Variants in RBPJ observed in about 807,000 individuals in gnomAD.
The protein encoded by RBPJ is recombining binding protein suppressor of hairless.
A neutral mutation model predicts 67.8 loss-of-function variants in RBPJ; 9 were observed. The observed-to-expected ratio is 0.13, with a 90% confidence interval of 0.08 to 0.23. RBPJ has a LOEUF of 0.23. RBPJ is among the 10% of genes least tolerant of loss of function. RBPJ has a pLI of 1.00. For missense variants in RBPJ, 305 were observed against 595.6 expected (o/e 0.51, Z 5.08); for synonymous variants, 198 against 203.3 (o/e 0.97, Z 0.22).
rs371349488 is a variant in RBPJ at position 26,301,577 on chromosome 4, G to A, written c.-166-60869G>A. 1.3e-3 allele frequency among the ~76,000 whole-genome samples: 188 copies of A among 149,044 alleles called. 1 individual carries two copies. Among genetic ancestry groups the A allele is most frequent in the African/African-American group, 4.5e-3 (182 of 40,566 alleles). On this transcript the variant is annotated intron_variant, in intron 1 of 4. Transcript: ENST00000512351. Reference sequence around the variant, plus strand: ...ACTGCACTCCAGCCTGGGTGACAGAGCGAGACTCTGTCTCAAAAAAAAAAA... The same window carrying A: ...ACTGCACTCCAGCCTGGGTGACAGAACGAGACTCTGTCTCAAAAAAAAAAA...
intron 1 of RBPJ, among the ~76,000 whole-genome samples, chr4:26,255,581 T>A (rs1033755102): frequency 6.7e-6 from 1 of 149,566 alleles, no homozygotes; most frequent in Non-Finnish European, 1.5e-5. Context: ...GGCGGGCGGA[T>A]CACGAGGTCG....
chr4:26,333,400 CTATT>C (rs1724459841), intron 1 of RBPJ, among the ~76,000 whole-genome samples: 1 of 152,114 alleles, frequency 6.6e-6, no homozygotes. Flanking sequence ...GTATCTCTAT[CTATT>C]AGATTACTTT....
At chr4:26,184,346 T>C (rs934876974) in intron 1 of RBPJ, among the ~76,000 whole-genome samples, 7 of 151,982 alleles carry the variant, frequency 4.6e-5, no homozygotes, top group African/African-American at 1.7e-4. Flanking sequence ...GCTCCGACTG[T>C]AACAGCAAGC....
intron 2 of RBPJ, among the ~76,000 whole-genome samples, chr4:26,404,824 T>A: frequency 6.6e-6 from 1 of 152,192 alleles, no homozygotes. Flanking sequence ...TATGCTTTCC[T>A]CCTCCCACTT....
At chr4:26,285,352 G>A (rs993817270) in intron 1 of RBPJ, among the ~76,000 whole-genome samples, 1 of 134,086 alleles carries the variant, frequency 7.5e-6, no homozygotes, top group African/African-American at 2.8e-5. Context: ...TTATCTATTA[G>A]GGCATAACAA....
intron 1 of RBPJ, among the ~76,000 whole-genome samples, chr4:26,265,822 A>C (rs892024240): frequency 6.6e-6 from 1 of 152,016 alleles, no homozygotes; most frequent in African/African-American, 2.4e-5. Flanking sequence ...GTGGATCACG[A>C]GGTCAGGAGT....
chr4:26,423,586 A>G (rs10939111), intron 5 of RBPJ, among the ~76,000 whole-genome samples: 76,809 of 152,086 alleles, frequency 0.51, 20,698 homozygotes, highest in Admixed American at 0.62. Context: ...CTCTTGCACT[A>G]GGAGGTATAT....
chr4:26,258,020 G>T (rs1720400782), intron 1 of RBPJ, among the ~76,000 whole-genome samples: 1 of 152,234 alleles, frequency 6.6e-6, no homozygotes, highest in Non-Finnish European at 1.5e-5. Flanking sequence ...GATTATTTCT[G>T]CAGAAAGAGG....
At position 26,300,509 on chromosome 4, in the gene RBPJ, G is replaced by A. The variant is rs148761377; in HGVS notation, c.-166-61937G>A. Among the ~76,000 whole-genome samples the A allele has an allele frequency of 2.6e-4, 40 of 152,300 alleles. 1 individual carries two copies. Among genetic ancestry groups the A allele is most frequent in the Non-Finnish European group, 3.5e-4 (24 of 68,026 alleles). On this transcript the variant is annotated intron_variant, in intron 1 of 4. Transcript: ENST00000512351. ...TTCCTTCATGAAATGCAGACTTAAA[G>A]CAGCTTAAGAAGGTGGAATGTACTA...
At chr4:26,228,396 A>G (rs938340011) in intron 1 of RBPJ, among the ~76,000 whole-genome samples, 6 of 152,188 alleles carry the variant, frequency 3.9e-5, no homozygotes, top group African/African-American at 9.7e-5. Flanking sequence ...ATAGACACAC[A>G]AGGCATGTAT....
At chr4:26,314,463 G>T (rs1268389586) in intron 1 of RBPJ, among the ~76,000 whole-genome samples, 2 of 152,152 alleles carry the variant, frequency 1.3e-5, no homozygotes, top group Non-Finnish European at 2.9e-5. Flanking sequence ...AGGTCAAATT[G>T]TAACTCCCAG....
At chr4:26,255,814 AAAAAG>A (rs1720324778) in intron 1 of RBPJ, among the ~76,000 whole-genome samples, 1 of 151,454 alleles carries the variant, frequency 6.6e-6, no homozygotes. Flanking sequence ...AAAAAAAAAA[AAAAAG>A]AAAAGAAAAA....
chr4:26,234,621 G>C (rs1719393039), intron 1 of RBPJ, among the ~76,000 whole-genome samples: 1 of 152,026 alleles, frequency 6.6e-6, no homozygotes, highest in African/African-American at 2.4e-5. Flanking sequence ...CCCCGTTCCT[G>C]TTTACTTTTC....
At chr4:26,387,680 T>A (rs1731058311) in intron 2 of RBPJ, among the ~76,000 whole-genome samples, 1 of 152,170 alleles carries the variant, frequency 6.6e-6, no homozygotes, top group African/African-American at 2.4e-5. Flanking sequence ...TTCCTTTCAG[T>A]CTTCAGCTGC....
At chr4:26,429,491 A>G (rs1736003180) in intron 8 of RBPJ, among the ~76,000 whole-genome samples, 1 of 152,232 alleles carries the variant, frequency 6.6e-6, no homozygotes. Context: ...CCCATGGAAC[A>G]TGCATAAGCT....
intron 1 of RBPJ, among the ~76,000 whole-genome samples, chr4:26,204,327 G>A (rs1226458194): frequency 6.6e-6 from 1 of 152,198 alleles, no homozygotes; most frequent in Non-Finnish European, 1.5e-5. Flanking sequence ...GAATCTAGCA[G>A]AGGAAGTTGT....
chr4:26,426,642 A>G (rs373545972), intron 7 of RBPJ, among the ~76,000 whole-genome samples: 3 of 152,358 alleles, frequency 2.0e-5, no homozygotes, highest in East Asian at 3.9e-4. Context: ...AAACAAGATA[A>G]TAAAGGGATA....
intron 1 of RBPJ, among the ~76,000 whole-genome samples, chr4:26,215,639 C>T (rs1718699429): frequency 6.6e-6 from 1 of 152,098 alleles, no homozygotes; most frequent in African/African-American, 2.4e-5. Context: ...CACAACACGT[C>T]CTGAGATAAT....
chr4:26,255,685 C>T (rs1189639623), intron 1 of RBPJ, among the ~76,000 whole-genome samples: 5 of 151,244 alleles, frequency 3.3e-5, no homozygotes, highest in African/African-American at 9.7e-5. Flanking sequence ...GCCTGTAGTC[C>T]CAGCTACGCG....
Sources: allele counts gnomAD v4.1 joint callset (sites outside exome capture counted in the v4.1 genomes callset), GRCh38; gene constraint gnomAD v4.1.1; transcripts MANE v1.5; gene names NCBI Gene and HGNC (gene_info 2026-07-23, HGNC 2026-07-21).